TASOR: variants seen among roughly 807,000 people sequenced by gnomAD.
TASOR encodes transcription activation suppressor.
Under a neutral mutation model 178.6 loss-of-function variants are expected in TASOR, and 53 were observed. The observed-to-expected ratio is 0.30, with a 90% confidence interval of 0.24 to 0.37. TASOR has a LOEUF of 0.37. Ranked by LOEUF, TASOR falls within the 10% of genes least tolerant of loss-of-function variation. The pLI is 1.00. For synonymous variants in TASOR, 713 were observed against 696.2 expected (o/e 1.02, Z -0.38); for missense variants, 1,815 against 1,971.4 (o/e 0.92, Z 1.50).
chr3:56,625,901 C>T (rs1053738317), intron 21 of TASOR, among the ~76,000 whole-genome samples: 3 of 151,986 alleles, frequency 2.0e-5, no homozygotes, highest in Non-Finnish European at 4.4e-5. Flanking sequence ...GGATTACAGG[C>T]GTAAGCCACC....
rs2076965287 is a variant in TASOR at position 56,633,873 on chromosome 3, T to A, written c.2918A>T (p.Asp973Val). 1.2e-6 allele frequency: 2 copies of A among 1,608,118 alleles called. No homozygotes were observed. The highest frequency in any genetic ancestry group is 2.7e-5 in the African/African-American group (2 of 74,824). Residue 973 changes from aspartate (D) to valine (V), a missense_variant, in exon 18 of 24, where the codon GAT (aspartate) becomes GTT (valine). Asp to Val is a radical substitution (Grantham distance 152, BLOSUM62 -3). This residue lies in a region of TASOR where 655 missense variants were observed against 671.1 expected (regional missense o/e 0.98). Transcript: ENST00000683822. ...PRVINRQRSS[D>V]YQFPSSPFTD... ...AAATGGAGAGGATGGAAACTGGTAA[T>A]CAGAACTTCTCTGTCTATTTATTAC...
chr3:56,665,679 T>C (rs1476621272), intron 7 of TASOR, among the ~76,000 whole-genome samples: 1 of 151,062 alleles, frequency 6.6e-6, no homozygotes, highest in Non-Finnish European at 1.5e-5. Context: ...TTTTTAAAAC[T>C]GCCACTTACT....
At chr3:56,668,140 G>T (rs1017044394) in intron 6 of TASOR, among the ~76,000 whole-genome samples, 5 of 152,172 alleles carry the variant, frequency 3.3e-5, no homozygotes, top group Non-Finnish European at 7.3e-5. Context: ...CCAGGTCACA[G>T]TCTACTGGCA....
chr3:56,625,046 TA>T (rs2076767461), intron 21 of TASOR, 40 bp from the exon 22 acceptor site: 3 of 1,570,246 alleles, frequency 1.9e-6, no homozygotes, highest in African/African-American at 2.7e-5. Flanking sequence ...TCTGTACTTC[TA>T]AAATTTAGTA....
chr3:56,623,339 T>C lies in TASOR; in HGVS notation c.4711A>G (p.Arg1571Gly), dbSNP rs748759182. The C allele has an allele frequency of 6.2e-7, 1 of 1,613,622 alleles. No homozygotes were observed. The highest frequency in any genetic ancestry group is 1.1e-5 in the South Asian group (1 of 91,076). Reference protein sequence around the residue: ...EDKTYLDSEERTSIDIVCSEG... With the variant: ...EDKTYLDSEEGTSIDIVCSEG... ...GAGCATACTATATCAATAGAAGTTCTCTCTTCAGAATCAAGGTAAGTCTTA... is the reference window on the plus strand; with the variant it reads ...GAGCATACTATATCAATAGAAGTTCCCTCTTCAGAATCAAGGTAAGTCTTA... Residue 1571 changes from arginine (R) to glycine (G), a missense_variant, in exon 24 of 24, where the codon AGA (arginine) becomes GGA (glycine). Physicochemically the swap from Arg to Gly is moderately radical, Grantham distance 125. This residue lies in a region of TASOR where 278 missense variants were observed against 257.1 expected (regional missense o/e 1.08). Coordinates refer to ENST00000683822, the MANE Select transcript of TASOR (RefSeq NM_001365635.2).
rs531891728 is a variant in TASOR, at chr3:56,639,869, C to A, written c.2764+117G>T. ...AATAAGACACTGAAGATGTCAGCAC[C>A]AATTAAGATGAAGCACCTAGTGACC... On this transcript the variant is annotated intron_variant, in intron 16 of 23. Transcript: ENST00000683822. 7.5e-6 allele frequency: 6 copies of A among 796,342 alleles called. No homozygotes were observed. The East Asian group carries it at 1.6e-4, about 21-fold the overall frequency. 49.3% of individuals were successfully genotyped at this position (796,342 alleles called of 1,614,324 possible).
At chr3:56,669,823 T>C (rs2030487125) in intron 4 of TASOR, 32 bp from the exon 5 acceptor site, 1 of 1,433,464 alleles carries the variant, frequency 7.0e-7, no homozygotes, top group South Asian at 1.3e-5. Flanking sequence ...AGGAAACTGA[T>C]TATATTTTTC....
At chr3:56,649,199 A>C (rs2077299167) in intron 11 of TASOR, 142 bp from the exon 12 acceptor site, 1 of 516,474 alleles carries the variant, frequency 1.9e-6, no homozygotes, top group East Asian at 3.2e-5. Flanking sequence ...TGAATTAGTT[A>C]ATTCTTTCTA....
intron 9 of TASOR, among the ~76,000 whole-genome samples, chr3:56,661,990 T>A (rs1308387936): frequency 6.6e-6 from 1 of 151,276 alleles, no homozygotes; most frequent in Non-Finnish European, 1.5e-5. Context: ...ATTAGCTGGG[T>A]ATGGTGGCAG....
rs780678803 is a variant in TASOR at position 56,641,420 on chromosome 3, C to A, written c.2548G>T (p.Ala850Ser). The change falls in exon 15 of 24, where the codon GCA becomes TCA. Residue 850 changes from alanine to serine, a missense_variant. By Grantham distance (99) the Ala-to-Ser change is moderately conservative (BLOSUM62 1). Transcript: ENST00000683822. ...GTQSLLLEVD[A>S]TSKYSVAIST... ...ATAGCAACAGAATACTTAGATGTTGCATCAACTTCTAGTAATAAGCTCTGA... is the reference window on the plus strand; with the variant it reads ...ATAGCAACAGAATACTTAGATGTTGAATCAACTTCTAGTAATAAGCTCTGA... 6.2e-7 allele frequency: 1 copy of A among 1,603,952 alleles called. No homozygotes were observed. The highest frequency in any genetic ancestry group is 8.5e-7 in the Non-Finnish European group (1 of 1,171,196).
chr3:56,670,964 G>GAAAAAAAA (rs2030656736), intron 3 of TASOR, among the ~76,000 whole-genome samples: 8 of 116,888 alleles, frequency 6.8e-5, no homozygotes, highest in African/African-American at 1.8e-4. Context: ...AAAAAAAAAG[G>GAAAAAAAA]AAAAATGGTT....
chr3:56,636,598 T>C (rs1231051415), intron 17 of TASOR, among the ~76,000 whole-genome samples: 6 of 151,870 alleles, frequency 4.0e-5, no homozygotes, highest in African/African-American at 1.5e-4. Flanking sequence ...AGACAGGGTT[T>C]TACCATGTTG....
Position 56,628,889 on chromosome 3 carries a change from T to TC in TASOR, c.3748-276_3748-275insG, listed in dbSNP as rs2076851580. ...CACCCTCCCACCTCAGCCTCCTGAA[T>TC]ACATGGATGGCACTAGGCTCGCACC... On this transcript the variant is annotated intron_variant, in intron 18 of 23. Transcript: ENST00000683822. The TC allele has an allele frequency of 2.3e-5, 5 of 221,394 alleles. No homozygotes were observed. In the East Asian group the frequency reaches 5.2e-4, roughly 23 times the overall value. 13.7% of individuals were successfully genotyped at this position (221,394 alleles called of 1,614,324 possible).
In TASOR at chr3:56,621,536, T is replaced by G. The variant is rs998920748; in HGVS notation, c.*1501A>C. On this transcript the variant is annotated 3_prime_UTR_variant, in exon 24 of 24. Transcript: ENST00000683822. ...CATATATCAATGTGATTTCAGGGCCTTCTCCAGAAGCAAAAGGAGTTGGAA... is the reference window on the plus strand; with the variant it reads ...CATATATCAATGTGATTTCAGGGCCGTCTCCAGAAGCAAAAGGAGTTGGAA... 2 of 1,587,444 alleles carry G rather than the reference T, an allele frequency of 1.3e-6. No homozygotes were observed. The highest frequency in any genetic ancestry group is 1.7e-6 in the Non-Finnish European group (2 of 1,167,306).
chr3:56,641,746 G>A lies in TASOR; in HGVS notation c.2222C>T (p.Pro741Leu), dbSNP rs2077129457. Residue 741 changes from proline to leucine, a missense_variant, in exon 15 of 24, where the codon CCA becomes CTA. Pro to Leu is a moderately conservative substitution (Grantham distance 98). Transcript: ENST00000683822. ...ATGTCCAAGTGAGCCAATAGGCTGT[G>A]GAGACTCTGAGAAAAAGGAAGTCAT... ...SENCHLYEESPQPIGSLGHDA... is the reference protein window; with the variant it reads ...SENCHLYEESLQPIGSLGHDA... The A allele has an allele frequency of 1.3e-6, 2 of 1,597,894 alleles. No individual in the cohort carries two copies. Among genetic ancestry groups the A allele is most frequent in the Non-Finnish European group, 8.5e-7 (1 of 1,169,668 alleles).
Position 56,633,428 on chromosome 3 carries a change from T to G in TASOR, c.3363A>C (p.Ile1121=). The G allele has an allele frequency of 6.2e-7, 1 of 1,614,118 alleles. No homozygotes were observed. Residue 1121 remains isoleucine, a synonymous_variant, in exon 18 of 24, where the codon ATA becomes ATC. Coordinates refer to ENST00000683822, the MANE Select transcript of TASOR (RefSeq NM_001365635.2). Reference sequence around the variant, plus strand: ...TGTTGAAGTCACTTGAGGAAACTGGTATGACATGCCTTTCCAGAGGATTCG... The same window carrying G: ...TGTTGAAGTCACTTGAGGAAACTGGGATGACATGCCTTTCCAGAGGATTCG... The part of the protein sequence containing the change: ...IASNPLERHV[I]PVSSSDFNNK...
chr3:56,621,745 G>T lies in TASOR; in HGVS notation c.*1292C>A. ...TTTTTTAAATGCTCATTAAAAACTT[G>T]TATACTATGTAGTAAAATGCTGTAC... On this transcript the variant is annotated 3_prime_UTR_variant, in exon 24 of 24. Transcript: ENST00000683822. 15 of 395,234 alleles carry T rather than the reference G, an allele frequency of 3.8e-5. No individual in the cohort carries two copies. The highest frequency in any genetic ancestry group is 8.4e-4 in the Middle Eastern group (1 of 1,192). The allele number at this position is 395,234 out of a possible 1,614,324, so 24.5% of individuals were successfully genotyped here.
intron 21 of TASOR, 94 bp from the exon 22 acceptor site, chr3:56,625,100 G>A (rs999468210): frequency 8.5e-7 from 1 of 1,170,462 alleles, no homozygotes; most frequent in Non-Finnish European, 1.2e-6. Flanking sequence ...TCTCCACTGA[G>A]GCAACTAATG....
At chr3:56,624,446 C>T (rs769222976) in intron 23 of TASOR, 33 bp downstream of exon 23, 54 of 1,599,546 alleles carry the variant, frequency 3.4e-5, no homozygotes, top group Admixed American at 7.0e-5. Context: ...TTTCTGTCTG[C>T]GTTAAAGAAA....
Sources: allele counts gnomAD v4.1 joint callset (sites outside exome capture counted in the v4.1 genomes callset), GRCh38; gene constraint gnomAD v4.1.1; regional missense constraint gnomAD v4.1.1; transcripts MANE v1.5; gene names NCBI Gene and HGNC (gene_info 2026-07-23, HGNC 2026-07-21).